Variants in ZFPM2 observed in about 807,000 individuals in gnomAD.
ZFPM2 encodes the protein zinc finger protein, FOG family member 2.
ZFPM2 carries 20 observed loss-of-function variants against 98.6 expected under a neutral mutation model. The ratio of observed to expected loss-of-function variants is 0.20; its 90% CI spans 0.14 to 0.29. The LOEUF (loss-of-function observed/expected upper bound fraction) is 0.29, where lower values mean the gene tolerates loss of function less well. Ranked by LOEUF, ZFPM2 falls within the 10% of genes least tolerant of loss-of-function variation. The pLI is 1.00. For missense variants in ZFPM2, 1,310 were observed against 1,388.6 expected, an observed-to-expected ratio of 0.94 and a Z score of 0.90; for synonymous variants, 518 against 502.7, an observed-to-expected ratio of 1.03 and a Z score of -0.41.
chr8:105,800,109 T>TGA (rs1813956170), intron 7 of ZFPM2, among the ~76,000 whole-genome samples: 1 of 151,510 alleles, frequency 6.6e-6, no homozygotes, highest in Admixed American at 6.6e-5. Context: ...GAAAAAAAAA[T>TGA]GAGTATTAGA....
At chr8:105,545,807 C>A (rs1402368289) in intron 3 of ZFPM2, among the ~76,000 whole-genome samples, 1 of 152,098 alleles carries the variant, frequency 6.6e-6, no homozygotes, top group Admixed American at 6.6e-5. Flanking sequence ...GATGAATAAA[C>A]ATTTTCCATT....
At chr8:105,602,075 C>T (rs1298375036) in intron 4 of ZFPM2, among the ~76,000 whole-genome samples, 2 of 152,052 alleles carry the variant, frequency 1.3e-5, no homozygotes, top group African/African-American at 4.8e-5. Context: ...CTTGATAGCT[C>T]ATACTTGCAT....
At chr8:105,497,914 C>T (rs1318186016) in intron 3 of ZFPM2, among the ~76,000 whole-genome samples, 4 of 150,846 alleles carry the variant, frequency 2.7e-5, no homozygotes, top group Admixed American at 2.0e-4. Context: ...AGGCCAGGCA[C>T]AGTGGCTCAT....
chr8:105,739,710 AGTTTTTT>A (rs905526528), intron 5 of ZFPM2, among the ~76,000 whole-genome samples: 72 of 151,660 alleles, frequency 4.7e-4, no homozygotes, highest in Non-Finnish European at 6.2e-4. Context: ...TCGCAGCTAT[AGTTTTTT>A]GTTTTTTGTT....
intron 1 of ZFPM2, among the ~76,000 whole-genome samples, chr8:105,354,605 A>G (rs1473931106): frequency 6.6e-6 from 1 of 152,212 alleles, no homozygotes; most frequent in African/African-American, 2.4e-5. Flanking sequence ...AAAACAGATA[A>G]CTACTCTTCC....
At chr8:105,766,197 C>A (rs1217598178) in intron 5 of ZFPM2, among the ~76,000 whole-genome samples, 1 of 151,862 alleles carries the variant, frequency 6.6e-6, no homozygotes, top group Non-Finnish European at 1.5e-5. Context: ...TCATAACCAG[C>A]AATATTTATG....
chr8:105,378,574 T>C (rs1810777596), intron 1 of ZFPM2, among the ~76,000 whole-genome samples: 1 of 152,218 alleles, frequency 6.6e-6, no homozygotes, highest in Admixed American at 6.5e-5. Flanking sequence ...GGACGCTCGG[T>C]AAATATTTAT....
chr8:105,581,546 T>TA (rs1187568475), intron 4 of ZFPM2, among the ~76,000 whole-genome samples: 2 of 152,192 alleles, frequency 1.3e-5, no homozygotes, highest in Non-Finnish European at 2.9e-5. Flanking sequence ...TAGCTAGAAC[T>TA]AACCTGTTTA....
intron 6 of ZFPM2, among the ~76,000 whole-genome samples, chr8:105,794,887 G>T (rs367804670): frequency 1.4e-4 from 22 of 152,344 alleles, no homozygotes; most frequent in South Asian, 2.1e-4. Flanking sequence ...CTCCAAGCCC[G>T]GTGCAGGATA....
intron 4 of ZFPM2, among the ~76,000 whole-genome samples, chr8:105,605,703 A>G (rs903006288): frequency 2.0e-5 from 3 of 152,224 alleles, no homozygotes; most frequent in Admixed American, 1.3e-4. Context: ...TCATTCTTCT[A>G]TGAGAAAATG....
At chr8:105,486,991 C>G (rs551532723) in intron 3 of ZFPM2, among the ~76,000 whole-genome samples, 1 of 152,172 alleles carries the variant, frequency 6.6e-6, no homozygotes, top group Non-Finnish European at 1.5e-5. Context: ...GATAAACTCA[C>G]AAGTCTGATG....
At chr8:105,521,164 C>T (rs905005500) in intron 3 of ZFPM2, among the ~76,000 whole-genome samples, 1 of 151,736 alleles carries the variant, frequency 6.6e-6, no homozygotes, top group African/African-American at 2.4e-5. Flanking sequence ...AACACACACA[C>T]GCATGCACAC....
At chr8:105,590,400 A>G (rs1273587275) in intron 4 of ZFPM2, among the ~76,000 whole-genome samples, 2 of 152,200 alleles carry the variant, frequency 1.3e-5, no homozygotes, top group African/African-American at 4.8e-5. Flanking sequence ...CATATAGTGT[A>G]CAGCCTGTGG....
chr8:105,491,901 T>C (rs1466468402), intron 3 of ZFPM2, among the ~76,000 whole-genome samples: 1 of 152,196 alleles, frequency 6.6e-6, no homozygotes, highest in Admixed American at 6.5e-5. Flanking sequence ...TTTAAACATA[T>C]GAAACTTAAA....
intron 3 of ZFPM2, among the ~76,000 whole-genome samples, chr8:105,560,315 C>T (rs528682826): frequency 2.0e-5 from 3 of 152,130 alleles, no homozygotes; most frequent in Admixed American, 6.5e-5. Context: ...TTGCACCAAC[C>T]TAATATTTCT....
chr8:105,356,286 T>C (rs1812745005), intron 1 of ZFPM2, among the ~76,000 whole-genome samples: 1 of 152,210 alleles, frequency 6.6e-6, no homozygotes, highest in Non-Finnish European at 1.5e-5. Context: ...TTCTATGTAT[T>C]TGTGGTGCTT....
rs370713172 is a variant in ZFPM2, at chr8:105,654,367, C to T, written c.532+20010C>T. Among the ~76,000 whole-genome samples the T allele has an allele frequency of 2.0e-5, 3 of 152,214 alleles. No individual in the cohort carries two copies. In the East Asian group the frequency reaches 5.8e-4, roughly 30 times the overall value. Reference sequence around the variant, plus strand: ...CTGTCAGGGCAGGAACATCAGTGAACGGACAGGAGTCTATTAAATTAATAA... The same window carrying T: ...CTGTCAGGGCAGGAACATCAGTGAATGGACAGGAGTCTATTAAATTAATAA... On this transcript the variant is annotated intron_variant, in intron 5 of 7. Transcript: ENST00000407775.
chr8:105,788,149 G>C (rs77718952), intron 5 of ZFPM2, among the ~76,000 whole-genome samples: 215 of 152,174 alleles, frequency 1.4e-3, no homozygotes, highest in African/African-American at 5.1e-3. Context: ...GCCAGAAAAT[G>C]GTAGCAGACA....
chr8:105,797,696 C>T (rs1813874770), intron 6 of ZFPM2, among the ~76,000 whole-genome samples: 1 of 152,110 alleles, frequency 6.6e-6, no homozygotes, highest in African/African-American at 2.4e-5. Context: ...CCCATTTGAT[C>T]AGGATGATCC....
Sources: gnomAD v4.1 joint callset for allele counts (sites outside exome capture counted in the v4.1 genomes callset) on GRCh38, gnomAD v4.1.1 for gene constraint, MANE v1.5 for transcripts, NCBI Gene and HGNC (gene_info 2026-07-23, HGNC 2026-07-21) for gene names.